ZNF322: variants seen among roughly 807,000 people sequenced by gnomAD.
The protein encoded by ZNF322 is zinc finger protein 322, also known as HLA complex group 12.
In ZNF322, 1 loss-of-function variant was observed where a neutral mutation model predicts 18.3. The observed-to-expected ratio is 0.05, with a 90% CI of 0.02 to 0.26. The LOEUF is 0.26. Among genes scored for constraint, ZNF322 ranks in the 10% least tolerant of loss-of-function variants. The pLI is 1.00. For missense variants in ZNF322, 36 were observed against 403.6 expected, an observed-to-expected ratio of 0.09 and a Z score of 7.80; for synonymous variants, 17 against 130.7, an observed-to-expected ratio of 0.13 and a Z score of 5.93.
chr6:26,651,124 C>T (rs1431405928), intron 2 of ZNF322, among the ~76,000 whole-genome samples: 1 of 151,374 alleles, frequency 6.6e-6, no homozygotes, highest in Non-Finnish European at 1.5e-5. Flanking sequence ...AGAATAGAGT[C>T]CAAAAATATA....
At chr6:26,639,763 TAA>T (rs1337228014) in intron 3 of ZNF322, among the ~76,000 whole-genome samples, 1 of 152,166 alleles carries the variant, frequency 6.6e-6, no homozygotes, top group African/African-American at 2.4e-5. Context: ...GTCTGTCACC[TAA>T]AGAGTATAAC....
intron 2 of ZNF322, among the ~76,000 whole-genome samples, chr6:26,655,463 T>G (rs1327861108): frequency 1.3e-5 from 2 of 152,156 alleles, no homozygotes; most frequent in African/African-American, 4.8e-5. Flanking sequence ...TTTTCTCAGT[T>G]CTCCTAGGGA....
intron 2 of ZNF322, among the ~76,000 whole-genome samples, chr6:26,652,162 A>G (rs1765682280): frequency 6.6e-6 from 1 of 152,104 alleles, no homozygotes; most frequent in East Asian, 1.9e-4. Flanking sequence ...TACAACAACA[A>G]AGGTATGATC....
At position 26,657,935 on chromosome 6, in the gene ZNF322, G is replaced by A. The variant is rs147787232; in HGVS notation, c.-246+623C>T. Among the ~76,000 whole-genome samples the A allele has an allele frequency of 4.4e-3, 667 of 152,062 alleles. 5 individuals are homozygous for A. The highest frequency in any genetic ancestry group is 0.013 in the African/African-American group (542 of 41,496). ...AAGTGAAAGGAATAAACTGGAACAC[G>A]ACAAAAGTCCAAGCAGACAGGCTAA... On this transcript the variant is annotated intron_variant, in intron 2 of 3. Transcript: ENST00000415922.
At chr6:26,645,276 A>G (rs1269451461) in intron 2 of ZNF322, among the ~76,000 whole-genome samples, 1 of 152,266 alleles carries the variant, frequency 6.6e-6, no homozygotes, top group Admixed American at 6.5e-5. Context: ...TGTACTATAC[A>G]AAGCCCACAC....
At chr6:26,644,013 T>C (rs545442244) in intron 2 of ZNF322, among the ~76,000 whole-genome samples, 1 of 152,302 alleles carries the variant, frequency 6.6e-6, no homozygotes, top group African/African-American at 2.4e-5. Context: ...ATCTTGGTGG[T>C]ATCTTGAAAA....
chr6:26,636,065 T>A lies in ZNF322; in HGVS notation c.*1280A>T, dbSNP rs1174341154. On this transcript the variant is annotated 3_prime_UTR_variant, in exon 4 of 4. Coordinates refer to ENST00000415922, the MANE Select transcript of ZNF322 (RefSeq NM_024639.5). ...CTGACACTAAGTAAAAAGCTGAGTA[T>A]GCTGTTTCTTTATAAGATTGGTCCT... 5 of 148,184 alleles carry A rather than the reference T, an allele frequency of 3.4e-5. No homozygotes were observed. Among genetic ancestry groups the A allele is most frequent in the Non-Finnish European group, 7.4e-5 (5 of 67,354 alleles). The allele number at this position is 148,184 out of a possible 1,614,324, so 9.2% of individuals were successfully genotyped here. A position where few individuals can be genotyped will look rare whatever the true frequency, so the allele number is the denominator to read the frequency against.
At chr6:26,639,984 C>T (rs1765438930) in intron 3 of ZNF322, among the ~76,000 whole-genome samples, 1 of 152,094 alleles carries the variant, frequency 6.6e-6, no homozygotes, top group Admixed American at 6.6e-5. Context: ...ATCTGTATAC[C>T]CCCTTTGTTC....
chr6:26,644,766 C>T (rs997672594), intron 2 of ZNF322, among the ~76,000 whole-genome samples: 2 of 152,082 alleles, frequency 1.3e-5, no homozygotes, highest in Non-Finnish European at 2.9e-5. Context: ...TCTCAGAAAA[C>T]CTGTAAGTTT....
chr6:26,649,647 G>A (rs1765618501), intron 2 of ZNF322, among the ~76,000 whole-genome samples: 1 of 35,752 alleles, frequency 2.8e-5, no homozygotes, highest in African/African-American at 1.1e-4. Context: ...ATGTGTGTGT[G>A]TGTGTGTGTG....
intron 3 of ZNF322, among the ~76,000 whole-genome samples, chr6:26,639,123 T>C (rs537113754): frequency 6.6e-5 from 10 of 152,280 alleles, no homozygotes; most frequent in African/African-American, 2.2e-4. Flanking sequence ...TAATGATCAT[T>C]AGAATTCCAA....
intron 2 of ZNF322, among the ~76,000 whole-genome samples, chr6:26,649,444 A>T (rs1765612537): frequency 6.6e-6 from 1 of 151,978 alleles, no homozygotes. Context: ...TCTACACTTC[A>T]TACCACACAC....
chr6:26,649,930 C>T (rs767848472), intron 2 of ZNF322, among the ~76,000 whole-genome samples: 3 of 150,886 alleles, frequency 2.0e-5, no homozygotes. Context: ...CTCGAACTCC[C>T]GACCTCAGGT....
chr6:26,642,554 T>G (rs1214677445), intron 3 of ZNF322, among the ~76,000 whole-genome samples: 1 of 152,216 alleles, frequency 6.6e-6, no homozygotes, highest in African/African-American at 2.4e-5. Flanking sequence ...AAATTACTTT[T>G]TTTTGGTCCA....
intron 2 of ZNF322, among the ~76,000 whole-genome samples, chr6:26,645,961 G>A (rs1037448918): frequency 1.3e-4 from 20 of 151,956 alleles, no homozygotes; most frequent in Non-Finnish European, 2.6e-4. Flanking sequence ...AACCCAGGAG[G>A]TGGAGGTTGC....
chr6:26,639,815 C>T (rs190319895), intron 3 of ZNF322, among the ~76,000 whole-genome samples: 4 of 152,200 alleles, frequency 2.6e-5, no homozygotes. Flanking sequence ...AAAATGGAAG[C>T]AAGCAAGCAA....
Position 26,636,438 on chromosome 6 carries a change from C to G in ZNF322, c.*907G>C, listed in dbSNP as rs1452936727. 6.9e-6 allele frequency: 1 copy of G among 143,946 alleles called. No homozygotes were observed. The highest frequency in any genetic ancestry group is 1.5e-5 in the Non-Finnish European group (1 of 65,878). The allele number at this position is 143,946 out of a possible 1,614,324, so 8.9% of individuals were successfully genotyped here. On this transcript the variant is annotated 3_prime_UTR_variant, in exon 4 of 4. Transcript: ENST00000415922. ...TGACCCACCCTAGCTTCTCCCAGAACAAGCTTCTGGGTATCTAAAAAACTA... is the reference window on the plus strand; with the variant it reads ...TGACCCACCCTAGCTTCTCCCAGAAGAAGCTTCTGGGTATCTAAAAAACTA...
intron 2 of ZNF322, among the ~76,000 whole-genome samples, chr6:26,649,637 A>ATGTGTG (rs58521273): frequency 2.4e-4 from 16 of 67,618 alleles, no homozygotes; most frequent in South Asian, 6.7e-4. Flanking sequence ...ATACATACAT[A>ATGTGTG]TGTGTGTGTG....
chr6:26,643,982 G>A (rs1209700798), intron 2 of ZNF322, among the ~76,000 whole-genome samples: 1 of 152,110 alleles, frequency 6.6e-6, no homozygotes, highest in Admixed American at 6.5e-5. Context: ...CAACATTGAA[G>A]GAAAGGGCTC....
Sources: allele counts gnomAD v4.1 joint callset (sites outside exome capture counted in the v4.1 genomes callset), GRCh38; gene constraint gnomAD v4.1.1; transcripts MANE v1.5; gene names NCBI Gene and HGNC (gene_info 2026-07-23, HGNC 2026-07-21).